SYNE1: variants seen among roughly 807,000 people sequenced by gnomAD.
SYNE1 encodes the protein nesprin-1.
Under a neutral mutation model 1,111.0 loss-of-function variants are expected in SYNE1, and 616 were observed. The observed-to-expected ratio is 0.55, with a 90% CI of 0.52 to 0.59. The LOEUF is 0.59. Among genes scored for constraint, SYNE1 ranks in the 20% least tolerant of loss-of-function variants. SYNE1 has a pLI of 0.00. For missense variants in SYNE1, 10,006 were observed against 10,417.0 expected (o/e 0.96, Z 1.72); for synonymous variants, 3,855 against 3,825.8 (o/e 1.01, Z -0.28).
chr6:152,554,497 C>T (rs1045511913), intron 3 of SYNE1, among the ~76,000 whole-genome samples: 6 of 152,170 alleles, frequency 3.9e-5, no homozygotes, highest in Admixed American at 3.3e-4. Context: ...AGGGAAGGGG[C>T]CATAGCTTTC....
At position 152,156,005 on chromosome 6, in the gene SYNE1, G is replaced by T; in HGVS notation, c.23883C>A (p.Ala7961=). The change falls in exon 132 of 146, where the codon GCC becomes GCA. Residue 7961 remains alanine, a synonymous_variant. Transcript: ENST00000367255. ...EVLLHDCDAC[A]TDAECDSIQQ... is the part of the protein sequence containing the mutation. ...GTATAGAGTCACACTCGGCATCAGT[G>T]GCACAGGCGTCACAGTCGTGCAGCA... The T allele has an allele frequency of 6.2e-7, 1 of 1,614,196 alleles. No homozygotes were observed. The highest frequency in any genetic ancestry group is 8.5e-7 in the Non-Finnish European group (1 of 1,180,038).
At chr6:152,392,596 C>T (rs894272152) in intron 51 of SYNE1, among the ~76,000 whole-genome samples, 1 of 152,082 alleles carries the variant, frequency 6.6e-6, no homozygotes, top group African/African-American at 2.4e-5. Flanking sequence ...GCAAATATAT[C>T]CTATGGGCCA....
At chr6:152,209,699 G>A (rs1035062772) in intron 124 of SYNE1, among the ~76,000 whole-genome samples, 4 of 151,556 alleles carry the variant, frequency 2.6e-5, no homozygotes, top group Admixed American at 6.6e-5. Flanking sequence ...GCAGTGAGCC[G>A]AGATAGCGCC....
At chr6:152,351,480 G>C (rs12206458) in intron 70 of SYNE1, among the ~76,000 whole-genome samples, 87,603 of 152,126 alleles carry the variant, frequency 0.58, 25,378 homozygotes, top group East Asian at 0.62. Flanking sequence ...TCAAAAATTT[G>C]AGTGGGTGAA....
chr6:152,202,003 G>C (rs944194040), intron 126 of SYNE1, 54 bp from the exon 127 acceptor site: 6 of 1,600,306 alleles, frequency 3.7e-6, no homozygotes, highest in African/African-American at 1.3e-5. Context: ...AGGAAACTGG[G>C]GGGGGAAAAG....
At chr6:152,142,818 G>T (rs1212743612) in intron 138 of SYNE1, among the ~76,000 whole-genome samples, 2 of 152,200 alleles carry the variant, frequency 1.3e-5, no homozygotes, top group African/African-American at 4.8e-5. Flanking sequence ...AACATATATA[G>T]CTAGAACAGT....
Position 152,511,248 on chromosome 6 carries a change from C to T in SYNE1, c.310-145G>A, listed in dbSNP as rs183412003. ...CATGGGAGTAAGTAGAGTGAGGCAC[C>T]GAAACAAACAAGCACAAGGTTTCAG... On this transcript the variant is annotated intron_variant, in intron 6 of 145. Coordinates refer to ENST00000367255, the MANE Select transcript of SYNE1 (RefSeq NM_182961.4). 4.4e-4 allele frequency: 330 copies of T among 742,116 alleles called. No homozygotes were observed. The African/African-American group carries it at 5.0e-3, about 11-fold the overall frequency. The allele number at this position is 742,116 out of a possible 1,614,324, so 46.0% of individuals were successfully genotyped here.
At chr6:152,458,581 A>T (rs1003317549) in intron 22 of SYNE1, among the ~76,000 whole-genome samples, 176 bp downstream of exon 22, 4 of 152,196 alleles carry the variant, frequency 2.6e-5, no homozygotes, top group Non-Finnish European at 4.4e-5. Context: ...TAGCCCCTGC[A>T]CTGACAGTGA....
intron 46 of SYNE1, among the ~76,000 whole-genome samples, chr6:152,403,516 T>G (rs930686942): frequency 2.0e-5 from 3 of 151,828 alleles, no homozygotes; most frequent in Non-Finnish European, 4.4e-5. Flanking sequence ...AGCTCAGGAG[T>G]ACAAGACCAG....
intron 3 of SYNE1, among the ~76,000 whole-genome samples, chr6:152,601,314 G>A (rs2099595439): frequency 6.6e-6 from 1 of 152,198 alleles, no homozygotes; most frequent in Non-Finnish European, 1.5e-5. Context: ...AGTAGACCTG[G>A]CTAGGCATAG....
chr6:152,599,012 T>C (rs1358951), intron 3 of SYNE1, among the ~76,000 whole-genome samples: 112,944 of 152,070 alleles, frequency 0.74, 42,209 homozygotes, highest in African/African-American at 0.79. Context: ...TGTAATCAAA[T>C]AGAGAACAAA....
intron 25 of SYNE1, chr6:152,453,326 G>A (rs1251680405): frequency 1.2e-5 from 7 of 599,464 alleles, no homozygotes; most frequent in Non-Finnish European, 2.0e-5. Flanking sequence ...CTTGCACCCT[G>A]GATTAAAAAA....
intron 11 of SYNE1, among the ~76,000 whole-genome samples, chr6:152,491,584 G>T (rs184759079): frequency 1.1e-3 from 174 of 152,164 alleles, no homozygotes; most frequent in Middle Eastern, 3.4e-3. Flanking sequence ...ACTCAACAAT[G>T]GTTCTAAATG....
chr6:152,516,656 G>A (rs116093140), intron 6 of SYNE1, among the ~76,000 whole-genome samples: 1,938 of 152,068 alleles, frequency 0.013, 38 homozygotes, highest in African/African-American at 0.044. Flanking sequence ...ACAGCTCACC[G>A]TAGCCTCAAC....
At chr6:152,392,606 A>C (rs1388842358) in intron 51 of SYNE1, among the ~76,000 whole-genome samples, 1 of 152,168 alleles carries the variant, frequency 6.6e-6, no homozygotes, top group Non-Finnish European at 1.5e-5. Flanking sequence ...CCTATGGGCC[A>C]CCCTGAGATC....
intron 9 of SYNE1, 62 bp downstream of exon 9, chr6:152,505,139 G>T: frequency 1.3e-6 from 2 of 1,569,904 alleles, no homozygotes. Context: ...TGTATTTCTG[G>T]GTTTAAGACA....
At chr6:152,529,108 G>A (rs2099182172) in intron 4 of SYNE1, among the ~76,000 whole-genome samples, 1 of 152,180 alleles carries the variant, frequency 6.6e-6, no homozygotes, top group Non-Finnish European at 1.5e-5. Flanking sequence ...AGCACACTTA[G>A]ATGTTTAACA....
At chr6:152,301,789 C>A in intron 92 of SYNE1, 80 bp downstream of exon 92, 2 of 1,445,434 alleles carry the variant, frequency 1.4e-6, no homozygotes, top group Admixed American at 2.5e-5. Context: ...TCCCTGAAAT[C>A]AGCCACGGAG....
At chr6:152,143,976 G>A in intron 137 of SYNE1, 1 of 655,096 alleles carries the variant, frequency 1.5e-6, no homozygotes, top group Non-Finnish European at 2.6e-6. Flanking sequence ...GAGAGCCCTA[G>A]CAGATCGGAC....
Sources: gnomAD v4.1 joint callset for allele counts (sites outside exome capture counted in the v4.1 genomes callset) on GRCh38, gnomAD v4.1.1 for gene constraint, MANE v1.5 for transcripts, NCBI Gene and HGNC (gene_info 2026-07-23, HGNC 2026-07-21) for gene names.